Variants in R3HCC1L observed in about 807,000 individuals in gnomAD.
The protein encoded by R3HCC1L is R3H domain and coiled-coil containing 1 like.
Under a neutral mutation model 59.9 loss-of-function variants are expected in R3HCC1L, and 51 were observed. That is an observed-to-expected ratio of 0.85 (90% CI 0.68 to 1.07). The LOEUF (loss-of-function observed/expected upper bound fraction) is 1.07, where lower values mean the gene tolerates loss of function less well. R3HCC1L is among the 50% of genes least tolerant of loss of function. The pLI, the probability that R3HCC1L is intolerant of heterozygous loss-of-function variation, is 0.00. For synonymous variants in R3HCC1L, 322 were observed against 315.2 expected (o/e 1.02, Z -0.23); for missense variants, 965 against 933.0 (o/e 1.03, Z -0.45).
chr10:98,241,918 T>A (rs1857570515), intron 9 of R3HCC1L, among the ~76,000 whole-genome samples: 1 of 152,248 alleles, frequency 6.6e-6, no homozygotes, highest in African/African-American at 2.4e-5. Flanking sequence ...ATTCTATTCA[T>A]GTTCTTGTAT....
chr10:98,214,758 A>T (rs1853974193), intron 5 of R3HCC1L, among the ~76,000 whole-genome samples: 1 of 152,218 alleles, frequency 6.6e-6, no homozygotes, highest in African/African-American at 2.4e-5. Context: ...ACATATAAGG[A>T]CTCAGAGCTA....
rs377556304 is a variant in R3HCC1L, at chr10:98,227,385, T to C, written c.1786-4127T>C. ...AACTCTTGAATCCATTTTTCAACTTTTCCAAGGAAAGGAGATATATATTCC... is the reference window on the plus strand; with the variant it reads ...AACTCTTGAATCCATTTTTCAACTTCTCCAAGGAAAGGAGATATATATTCC... On this transcript the variant is annotated intron_variant, in intron 5 of 9. Transcript: ENST00000298999. Among the ~76,000 whole-genome samples, 5 of 152,310 alleles carry C rather than the reference T, an allele frequency of 3.3e-5. No individual in the cohort carries two copies. The South Asian group carries it at 1.0e-3, about 32-fold the overall frequency.
At chr10:98,162,676 G>T (rs997332449) in intron 2 of R3HCC1L, among the ~76,000 whole-genome samples, 1 of 150,506 alleles carries the variant, frequency 6.6e-6, no homozygotes, top group Admixed American at 6.6e-5. Flanking sequence ...GTGTGTTTGT[G>T]TGTGTGTGTG....
In R3HCC1L at chr10:98,209,831, A is replaced by G. The variant is rs141538234; in HGVS notation, c.1717A>G (p.Ile573Val). 90 of 1,613,716 alleles carry G rather than the reference A, an allele frequency of 5.6e-5. No homozygotes were observed. The African/African-American group carries it at 5.7e-4, about 10-fold the overall frequency. The change falls in exon 5 of 10, where the codon ATT (isoleucine) becomes GTT (valine). Residue 573 changes from isoleucine (I) to valine (V), a missense_variant. Ile to Val is a conservative substitution (Grantham distance 29, BLOSUM62 3). Coordinates refer to ENST00000298999, the MANE Select transcript of R3HCC1L (RefSeq NM_001351015.2). ...ETSHTEGITA[I>V]EESWESMFND... ...TTCTCACACAGAGGGAATTACTGCC[A>G]TTGAGGAGAGCTGGGAGTCTATGTT...
intron 4 of R3HCC1L, among the ~76,000 whole-genome samples, chr10:98,172,770 C>T (rs550705349): frequency 5.0e-4 from 76 of 152,328 alleles, no homozygotes; most frequent in Admixed American, 2.8e-3. Context: ...GTCTCCTTCC[C>T]GTCACTGCCA....
chr10:98,214,772 C>T (rs1428088963), intron 5 of R3HCC1L, among the ~76,000 whole-genome samples: 6 of 152,174 alleles, frequency 3.9e-5, no homozygotes, highest in Admixed American at 3.9e-4. Flanking sequence ...AGAGCTAGAG[C>T]TTTATCCTGT....
intron 2 of R3HCC1L, among the ~76,000 whole-genome samples, chr10:98,159,561 G>A (rs1056753317): frequency 2.0e-5 from 3 of 152,030 alleles, no homozygotes; most frequent in African/African-American, 7.3e-5. Flanking sequence ...TTGAACTTTT[G>A]CTCACTAATT....
intron 4 of R3HCC1L, among the ~76,000 whole-genome samples, chr10:98,165,700 T>C (rs563268885): frequency 6.6e-6 from 1 of 152,346 alleles, no homozygotes; most frequent in East Asian, 1.9e-4. Flanking sequence ...TAAATAGCTT[T>C]GCTACAATGA....
intron 4 of R3HCC1L, among the ~76,000 whole-genome samples, chr10:98,196,802 C>G (rs1851482530): frequency 6.6e-6 from 1 of 152,156 alleles, no homozygotes; most frequent in East Asian, 1.9e-4. Flanking sequence ...TAAGTCAGAT[C>G]ATGTTGAAAC....
At chr10:98,186,604 C>T (rs998530799) in intron 4 of R3HCC1L, 2 of 710,550 alleles carry the variant, frequency 2.8e-6, no homozygotes, top group Admixed American at 6.3e-5. Context: ...AAGTTTTATA[C>T]ACAACATTGC....
At chr10:98,178,499 A>T (rs1302095767) in intron 4 of R3HCC1L, among the ~76,000 whole-genome samples, 1 of 152,170 alleles carries the variant, frequency 6.6e-6, no homozygotes, top group African/African-American at 2.4e-5. Flanking sequence ...AGGTAGTGTG[A>T]TGCCTCCAGC....
intron 9 of R3HCC1L, among the ~76,000 whole-genome samples, chr10:98,239,947 G>C (rs1403260785): frequency 6.6e-6 from 1 of 152,072 alleles, no homozygotes; most frequent in Non-Finnish European, 1.5e-5. Flanking sequence ...CTCCTGCCTT[G>C]GCCTCCTAAA....
chr10:98,163,712 CCTT>C (rs1444486770), intron 4 of R3HCC1L, among the ~76,000 whole-genome samples: 3 of 152,142 alleles, frequency 2.0e-5, no homozygotes, highest in African/African-American at 7.2e-5. Flanking sequence ...GAGTTAACAT[CCTT>C]CTTGTCAAGT....
intron 9 of R3HCC1L, among the ~76,000 whole-genome samples, chr10:98,239,484 A>G (rs1857299850): frequency 6.6e-6 from 1 of 152,188 alleles, no homozygotes; most frequent in South Asian, 2.1e-4. Context: ...TGCCTGGTAC[A>G]TAAAAAGATA....
chr10:98,150,721 G>A (rs1162697685), intron 1 of R3HCC1L, among the ~76,000 whole-genome samples: 2 of 152,144 alleles, frequency 1.3e-5, no homozygotes, highest in Non-Finnish European at 2.9e-5. Context: ...CTCCTACAGC[G>A]TGGTGCTGCT....
intron 4 of R3HCC1L, among the ~76,000 whole-genome samples, chr10:98,180,595 T>A (rs1380899369): frequency 6.6e-6 from 1 of 152,216 alleles, no homozygotes; most frequent in African/African-American, 2.4e-5. Context: ...GGTGCAGGGC[T>A]GAGTTCAAGT....
chr10:98,202,634 A>T (rs1852180193), intron 4 of R3HCC1L, among the ~76,000 whole-genome samples: 1 of 152,108 alleles, frequency 6.6e-6, no homozygotes, highest in Non-Finnish European at 1.5e-5. Context: ...CGGGCGGAAC[A>T]CAAGGTCAGG....
intron 5 of R3HCC1L, among the ~76,000 whole-genome samples, chr10:98,229,481 C>T (rs904109596): frequency 1.3e-5 from 2 of 152,168 alleles, no homozygotes; most frequent in African/African-American, 4.8e-5. Context: ...AGATTTTGGG[C>T]TGAGACAGTG....
At chr10:98,228,801 T>G (rs548237267) in intron 5 of R3HCC1L, among the ~76,000 whole-genome samples, 41 of 152,358 alleles carry the variant, frequency 2.7e-4, no homozygotes, top group African/African-American at 9.4e-4. Flanking sequence ...TTTCTACATA[T>G]GGCCAGCCAG....
Sources: allele counts gnomAD v4.1 joint callset (sites outside exome capture counted in the v4.1 genomes callset), GRCh38; gene constraint gnomAD v4.1.1; transcripts MANE v1.5; gene names NCBI Gene and HGNC (gene_info 2026-07-23, HGNC 2026-07-21).